Variants in STRN observed in about 807,000 individuals in gnomAD.
STRN encodes the protein striatin.
Under a neutral mutation model 96.3 loss-of-function variants are expected in STRN, and 53 were observed. The ratio of observed to expected loss-of-function variants is 0.55; its 90% CI spans 0.44 to 0.69. STRN has a LOEUF of 0.69. Among genes scored for constraint, STRN ranks in the 30% least tolerant of loss-of-function variants. STRN has a pLI of 0.00. For synonymous variants in STRN, 428 were observed against 355.9 expected, an observed-to-expected ratio of 1.20 and a Z score of -2.28; for missense variants, 987 against 963.9, an observed-to-expected ratio of 1.02 and a Z score of -0.32.
At chr2:36,957,742 G>GTT (rs1158709835) in intron 1 of STRN, among the ~76,000 whole-genome samples, 4,168 of 102,966 alleles carry the variant, frequency 0.04, 645 homozygotes, top group Non-Finnish European at 0.058. Flanking sequence ...TCTTCTTTTT[G>GTT]TCTTTTTTTT....
chr2:36,889,321 T>G (rs1360519926), intron 7 of STRN, among the ~76,000 whole-genome samples: 2 of 152,090 alleles, frequency 1.3e-5, no homozygotes, highest in African/African-American at 4.8e-5. Context: ...TAAAAATCAT[T>G]TTAAACAACA....
At chr2:36,951,241 G>C (rs1314253656) in intron 1 of STRN, among the ~76,000 whole-genome samples, 1 of 152,182 alleles carries the variant, frequency 6.6e-6, no homozygotes, top group Non-Finnish European at 1.5e-5. Flanking sequence ...GGGGTGGAAG[G>C]AGACAACACT....
At chr2:36,932,272 A>G (rs1670595430) in intron 1 of STRN, among the ~76,000 whole-genome samples, 1 of 151,908 alleles carries the variant, frequency 6.6e-6, no homozygotes, top group Admixed American at 6.6e-5. Flanking sequence ...CTCCTATGTC[A>G]GCCTCCAGAG....
intron 1 of STRN, among the ~76,000 whole-genome samples, chr2:36,961,667 C>G (rs957140527): frequency 1.3e-5 from 2 of 152,306 alleles, no homozygotes; most frequent in Admixed American, 1.3e-4. Flanking sequence ...CCCTCCAAGT[C>G]TGTTCTGAAT....
intron 1 of STRN, among the ~76,000 whole-genome samples, chr2:36,927,558 G>C (rs1448824066): frequency 6.7e-6 from 1 of 149,994 alleles, no homozygotes; most frequent in South Asian, 2.1e-4. Flanking sequence ...GCCAGGCATG[G>C]TAGCTAATAC....
chr2:36,917,691 G>C (rs1322607884), intron 2 of STRN, among the ~76,000 whole-genome samples: 1 of 152,014 alleles, frequency 6.6e-6, no homozygotes, highest in African/African-American at 2.4e-5. Context: ...GGAATTCTAA[G>C]AAAACCTATG....
intron 1 of STRN, among the ~76,000 whole-genome samples, chr2:36,951,379 T>C (rs1558666950): frequency 6.6e-6 from 1 of 152,224 alleles, no homozygotes. Context: ...CAATGCTTTA[T>C]ACAATAAAAT....
rs558556958 is a variant in STRN at position 36,860,796 on chromosome 2, A to T, written c.1669+336T>A. 6.6e-5 allele frequency among the ~76,000 whole-genome samples: 10 copies of T among 152,338 alleles called. No homozygotes were observed. The East Asian group carries it at 1.9e-3, about 29-fold the overall frequency. On this transcript the variant is annotated intron_variant, in intron 13 of 17. Coordinates refer to ENST00000263918, the MANE Select transcript of STRN (RefSeq NM_003162.4). ...TCCTTAAAAGTTGTTTGACAAGAAT[A>T]ATGATGAAATATTATTACAGATTAG...
intron 3 of STRN, among the ~76,000 whole-genome samples, chr2:36,913,365 C>CA (rs1417687002): frequency 1.3e-5 from 2 of 152,188 alleles, no homozygotes; most frequent in Admixed American, 6.5e-5. Flanking sequence ...TCCCATTTCT[C>CA]AAATGTGCCA....
chr2:36,946,555 A>G (rs975733310), intron 1 of STRN, among the ~76,000 whole-genome samples: 2 of 152,216 alleles, frequency 1.3e-5, no homozygotes, highest in Admixed American at 1.3e-4. Context: ...GCTCAATAAA[A>G]ATCCCACGTG....
rs551668787 is a variant in STRN, at chr2:36,962,824, A to G, written c.234+3406T>C. Among the ~76,000 whole-genome samples the G allele has an allele frequency of 1.2e-4, 18 of 152,244 alleles. No homozygotes were observed. The South Asian group carries it at 3.1e-3, about 26-fold the overall frequency. On this transcript the variant is annotated intron_variant, in intron 1 of 17. Coordinates refer to ENST00000263918, the MANE Select transcript of STRN (RefSeq NM_003162.4). ...CGCCCGGCCTCTCCTTCACTATTCT[A>G]AAGAAATTAGCCTTCTCCCCAAATG...
In STRN at chr2:36,878,973, G is replaced by C. The variant is rs528466217; in HGVS notation, c.1187-946C>G. Among the ~76,000 whole-genome samples the C allele has an allele frequency of 7.9e-5, 12 of 151,096 alleles. No individual in the cohort carries two copies. In the East Asian group the frequency reaches 2.3e-3, roughly 30 times the overall value. On this transcript the variant is annotated intron_variant, in intron 9 of 17. Transcript: ENST00000263918. ...TCACCATGTTGGCCAGGCTGGTCGT[G>C]AACTCCTGACCTCAAGTGATCCACC... is the stretch of plus-strand genomic sequence containing the variant.
chr2:36,864,405 G>C (rs1034240604), intron 12 of STRN, among the ~76,000 whole-genome samples: 4 of 152,282 alleles, frequency 2.6e-5, no homozygotes, highest in South Asian at 2.1e-4. Flanking sequence ...TGCATCTGTT[G>C]AGATGATCAT....
chr2:36,843,193 T>G lies in STRN; in HGVS notation c.*6263A>C, dbSNP rs980411048. On this transcript the variant is annotated 3_prime_UTR_variant, in exon 18 of 18. Transcript: ENST00000263918. ...TGTGTGTACATACCAAAGGATATAATACTCATTAGTATACCAGCATACAGA... is the reference window on the plus strand; with the variant it reads ...TGTGTGTACATACCAAAGGATATAAGACTCATTAGTATACCAGCATACAGA... 6.6e-6 allele frequency among the ~76,000 whole-genome samples: 1 copy of G among 152,182 alleles called. No individual in the cohort carries two copies. The highest frequency in any genetic ancestry group is 1.5e-5 in the Non-Finnish European group (1 of 68,032).
In STRN at chr2:36,838,532, TTTTTTTC is replaced by T. The variant is rs1667871941; in HGVS notation, c.*10917_*10923del. 6.6e-6 allele frequency among the ~76,000 whole-genome samples: 1 copy of T among 152,192 alleles called. No homozygotes were observed. Among genetic ancestry groups the T allele is most frequent in the Admixed American group, 6.5e-5 (1 of 15,272 alleles). ...TGAAAAATCACTACATCCACCAGGA[TTTTTTTC>T]TTTTTTCTACGTATTTTTTAATGTT... is the stretch of plus-strand genomic sequence containing the variant. On this transcript the variant is annotated 3_prime_UTR_variant, in exon 18 of 18. Coordinates refer to ENST00000263918, the MANE Select transcript of STRN (RefSeq NM_003162.4).
At chr2:36,948,494 C>T (rs1426778967) in intron 1 of STRN, among the ~76,000 whole-genome samples, 1 of 152,020 alleles carries the variant, frequency 6.6e-6, no homozygotes, top group Non-Finnish European at 1.5e-5. Flanking sequence ...TTAAATTTGG[C>T]CTTCTGTTAA....
intron 2 of STRN, among the ~76,000 whole-genome samples, chr2:36,924,355 C>CAAAA (rs143310395): frequency 6.8e-5 from 7 of 103,284 alleles, no homozygotes; most frequent in Admixed American, 1.1e-4. Flanking sequence ...GACTCCGTTT[C>CAAAA]AAAAAAAAAA....
intron 1 of STRN, among the ~76,000 whole-genome samples, chr2:36,935,648 G>A (rs770717834): frequency 3.3e-5 from 5 of 152,048 alleles, no homozygotes; most frequent in African/African-American, 4.8e-5. Context: ...AACAAAAAGC[G>A]GATTTTTGCA....
At chr2:36,937,040 G>A (rs187626687) in intron 1 of STRN, among the ~76,000 whole-genome samples, 376 of 152,164 alleles carry the variant, frequency 2.5e-3, no homozygotes, top group African/African-American at 8.9e-3. Context: ...AGATAAATAA[G>A]CTCAGTTAAA....
Sources: allele counts gnomAD v4.1 joint callset (sites outside exome capture counted in the v4.1 genomes callset), GRCh38; gene constraint gnomAD v4.1.1; transcripts MANE v1.5; gene names NCBI Gene and HGNC (gene_info 2026-07-23, HGNC 2026-07-21).